The following SLIT3 variants were observed in gnomAD, a reference collection of about 807,000 sequenced individuals.
The protein encoded by SLIT3 is slit homolog 3 protein.
A neutral mutation model predicts 184.0 loss-of-function variants in SLIT3; 68 were observed. The ratio of observed to expected loss-of-function variants is 0.37; its 90% CI spans 0.30 to 0.45. The LOEUF (loss-of-function observed/expected upper bound fraction) is 0.45. Among genes scored for constraint, SLIT3 ranks in the 20% least tolerant of loss-of-function variants. The pLI, the probability that SLIT3 is intolerant of heterozygous loss-of-function variation, is 1.00. For synonymous variants in SLIT3, 831 were observed against 828.6 expected, an observed-to-expected ratio of 1.00 and a Z score of -0.05; for missense variants, 1,707 against 2,026.0, an observed-to-expected ratio of 0.84 and a Z score of 3.02.
intron 4 of SLIT3, among the ~76,000 whole-genome samples, chr5:169,130,331 A>C (rs964265694): frequency 3.9e-5 from 6 of 152,340 alleles, no homozygotes; most frequent in African/African-American, 1.4e-4. Flanking sequence ...TAGGAAGATA[A>C]GGAATGGTGT....
chr5:169,263,678 A>G (rs1198860480), intron 1 of SLIT3: 1 of 513,488 alleles, frequency 1.9e-6, no homozygotes, highest in Non-Finnish European at 4.0e-6. Flanking sequence ...TAGGGCTGCC[A>G]TAGCACAGAC....
At chr5:168,819,752 T>C (rs1757459651) in intron 7 of SLIT3, among the ~76,000 whole-genome samples, 1 of 152,228 alleles carries the variant, frequency 6.6e-6, no homozygotes. Context: ...TTCTATTAGG[T>C]TGATCCTGTC....
intron 1 of SLIT3, among the ~76,000 whole-genome samples, chr5:169,273,238 G>C (rs1363326898): frequency 6.6e-6 from 1 of 152,224 alleles, no homozygotes; most frequent in Non-Finnish European, 1.5e-5. Context: ...GTGGCCACAG[G>C]AGAGGGAGGC....
chr5:169,153,766 C>G (rs1430486074), intron 4 of SLIT3, among the ~76,000 whole-genome samples: 1 of 152,214 alleles, frequency 6.6e-6, no homozygotes, highest in Non-Finnish European at 1.5e-5. Context: ...TGATTCTAAC[C>G]CTTTCCTTTT....
intron 20 of SLIT3, among the ~76,000 whole-genome samples, chr5:168,746,339 G>GT (rs1357363246): frequency 0.014 from 907 of 63,320 alleles, 3 homozygotes; most frequent in Admixed American, 0.025. Flanking sequence ...GTGTGAGTGT[G>GT]GTGGTGTGGG....
At chr5:169,264,035 T>C (rs1766305833) in intron 1 of SLIT3, among the ~76,000 whole-genome samples, 1 of 151,152 alleles carries the variant, frequency 6.6e-6, no homozygotes, top group South Asian at 2.1e-4. Flanking sequence ...GGAGTAAACA[T>C]GTATTATTCA....
At chr5:169,278,983 C>T (rs956072120) in intron 1 of SLIT3, among the ~76,000 whole-genome samples, 1 of 152,042 alleles carries the variant, frequency 6.6e-6, no homozygotes, top group Non-Finnish European at 1.5e-5. Flanking sequence ...CCATGAGGAC[C>T]CGGGAGAAAA....
At chr5:168,960,751 C>T (rs1322269350) in intron 4 of SLIT3, among the ~76,000 whole-genome samples, 1 of 152,242 alleles carries the variant, frequency 6.6e-6, no homozygotes, top group Non-Finnish European at 1.5e-5. Flanking sequence ...GCCAGCAACA[C>T]AAACCCGAGT....
rs1051218567 is a variant in SLIT3, at chr5:168,692,823, T to G, written c.3083-123A>C. On this transcript the variant is annotated intron_variant, in intron 28 of 35. Coordinates refer to ENST00000519560, the MANE Select transcript of SLIT3 (RefSeq NM_003062.4). ...CAGACTCATCCAGCCCCTGGTCAGG[T>G]GGGCATGGACGTCAGGAGTCCTGTG... 4.5e-6 allele frequency: 3 copies of G among 666,536 alleles called. No homozygotes were observed. In the African/African-American group the frequency reaches 5.3e-5, roughly 12 times the overall value. The allele number at this position is 666,536 out of a possible 1,614,324, so 41.3% of individuals were successfully genotyped here. A position where few individuals can be genotyped will look rare whatever the true frequency, so the allele number is the denominator to read the frequency against.
chr5:168,927,031 C>T (rs933633817), intron 4 of SLIT3, among the ~76,000 whole-genome samples: 3 of 151,998 alleles, frequency 2.0e-5, no homozygotes, highest in Admixed American at 6.6e-5. Context: ...ATGTATATAC[C>T]CCCCTAAATT....
chr5:169,293,605 T>C (rs546956747), intron 1 of SLIT3, among the ~76,000 whole-genome samples: 1 of 152,146 alleles, frequency 6.6e-6, no homozygotes, highest in Admixed American at 6.5e-5. Flanking sequence ...GAAGGGAGTA[T>C]TATTATTATT....
intron 4 of SLIT3, among the ~76,000 whole-genome samples, chr5:168,958,936 A>T (rs1762920855): frequency 6.6e-6 from 1 of 152,232 alleles, no homozygotes; most frequent in African/African-American, 2.4e-5. Flanking sequence ...CCACCTGGCC[A>T]AGGGTAATGA....
intron 6 of SLIT3, among the ~76,000 whole-genome samples, chr5:168,838,115 A>C (rs1758113468): frequency 6.6e-6 from 1 of 152,220 alleles, no homozygotes; most frequent in Non-Finnish European, 1.5e-5. Context: ...TCACTAGTGC[A>C]TATAATTGTT....
At chr5:168,687,813 T>G (rs1303247631) in intron 29 of SLIT3, among the ~76,000 whole-genome samples, 1 of 152,212 alleles carries the variant, frequency 6.6e-6, no homozygotes, top group Non-Finnish European at 1.5e-5. Context: ...CACTCTGAGA[T>G]TCAGACCAGG....
intron 27 of SLIT3, among the ~76,000 whole-genome samples, chr5:168,696,712 C>A (rs1001305963): frequency 6.6e-6 from 1 of 152,122 alleles, no homozygotes; most frequent in Non-Finnish European, 1.5e-5. Context: ...CCAACAAGGC[C>A]GGTGTCATCA....
At chr5:169,208,364 A>T (rs750968803) in intron 3 of SLIT3, among the ~76,000 whole-genome samples, 5 of 152,140 alleles carry the variant, frequency 3.3e-5, no homozygotes, top group Non-Finnish European at 7.4e-5. Context: ...GAGGTCCTTC[A>T]CATTCCTTGT....
intron 6 of SLIT3, among the ~76,000 whole-genome samples, chr5:168,829,331 G>T (rs1289091783): frequency 2.6e-5 from 4 of 152,156 alleles, no homozygotes; most frequent in Non-Finnish European, 5.9e-5. Flanking sequence ...GCAAAACCAG[G>T]CATCTGCAGT....
chr5:168,903,590 G>A (rs1382339075), intron 4 of SLIT3, among the ~76,000 whole-genome samples: 1 of 152,130 alleles, frequency 6.6e-6, no homozygotes, highest in African/African-American at 2.4e-5. Context: ...GTGGGGGCAT[G>A]GAGTGAAGGA....
At chr5:168,708,762 A>C (rs1264837795) in intron 25 of SLIT3, 1 of 153,250 alleles carries the variant, frequency 6.5e-6, no homozygotes, top group African/African-American at 2.4e-5. Context: ...CTGCTGCTGC[A>C]GCCAGCTTTG....
Sources: gnomAD v4.1 joint callset for allele counts (sites outside exome capture counted in the v4.1 genomes callset) on GRCh38, gnomAD v4.1.1 for gene constraint, MANE v1.5 for transcripts, NCBI Gene and HGNC (gene_info 2026-07-23, HGNC 2026-07-21) for gene names.